The following IL18R1 variants were observed in gnomAD, a reference collection of about 807,000 sequenced individuals.
IL18R1 encodes the protein interleukin 18 receptor 1.
IL18R1 carries 40 observed loss-of-function variants against 48.5 expected under a neutral mutation model. The observed-to-expected ratio is 0.82, with a 90% CI of 0.64 to 1.07. The LOEUF (loss-of-function observed/expected upper bound fraction) is 1.07, where lower values mean the gene tolerates loss of function less well. IL18R1 is among the 50% of genes least tolerant of loss of function. The probability of loss-of-function intolerance (pLI) is 0.00; values close to 1 mark genes in which losing one functional copy is unlikely to be tolerated. For missense variants in IL18R1, 596 were observed against 633.7 expected (o/e 0.94, Z 0.64); for synonymous variants, 232 against 225.9 (o/e 1.03, Z -0.24).
At chr2:102,375,065 C>T (rs1021517035) in intron 4 of IL18R1, among the ~76,000 whole-genome samples, 15 of 152,302 alleles carry the variant, frequency 9.8e-5, no homozygotes, top group South Asian at 2.1e-4. Flanking sequence ...GGGTGCTTCA[C>T]GGGCACATTC....
intron 7 of IL18R1, among the ~76,000 whole-genome samples, chr2:102,385,631 T>C (rs1340154695): frequency 6.6e-6 from 1 of 152,252 alleles, no homozygotes; most frequent in Non-Finnish European, 1.5e-5. Context: ...TTCTGCTTTT[T>C]ACACATTTTT....
At chr2:102,395,149 A>T (rs1307986289) in intron 10 of IL18R1, among the ~76,000 whole-genome samples, 1 of 152,174 alleles carries the variant, frequency 6.6e-6, no homozygotes, top group Non-Finnish European at 1.5e-5. Context: ...GAAAGCGGTG[A>T]TCCCCATCAG....
At chr2:102,362,841 C>A in intron 2 of IL18R1, 123 bp downstream of exon 2, 1 of 573,596 alleles carries the variant, frequency 1.7e-6, no homozygotes, top group Admixed American at 2.9e-5. Flanking sequence ...AAAGATTCTG[C>A]AGTCTGAGTT....
At chr2:102,368,504 CT>C (rs1559620236) in intron 3 of IL18R1, among the ~76,000 whole-genome samples, 1 of 152,126 alleles carries the variant, frequency 6.6e-6, no homozygotes, top group African/African-American at 2.4e-5. Flanking sequence ...CAGAAACACC[CT>C]AGTCCAGTCT....
chr2:102,357,395 G>C (rs1401929262), intron 1 of IL18R1, among the ~76,000 whole-genome samples: 1 of 151,984 alleles, frequency 6.6e-6, no homozygotes, highest in African/African-American at 2.4e-5. Flanking sequence ...GGAGGCTGAG[G>C]CAGGAGAATC....
Position 102,390,199 on chromosome 2 carries a change from A to C in IL18R1, c.1093A>C (p.Arg365=), listed in dbSNP as rs753861064. Residue 365 remains arginine, a synonymous_variant, in exon 9 of 11, where the codon AGA becomes CGA. Coordinates refer to ENST00000233957, the MANE Select transcript of IL18R1 (RefSeq NM_003855.5). The stretch of plus-strand genomic sequence containing the variant: ...TCTATTTTATAGACATTTAACGAGA[A>C]GAGATGAAACATTAACAGGTAACAC... ...LVLFYRHLTR[R]DETLTDGKTY... is the part of the protein sequence containing the mutation. 1 of 1,614,026 alleles carries C rather than the reference A, an allele frequency of 6.2e-7. No homozygotes were observed. Among genetic ancestry groups the C allele is most frequent in the Non-Finnish European group, 8.5e-7 (1 of 1,179,900 alleles).
At chr2:102,388,287 G>T (rs903061090) in intron 8 of IL18R1, among the ~76,000 whole-genome samples, 4 of 152,218 alleles carry the variant, frequency 2.6e-5, no homozygotes, top group African/African-American at 9.7e-5. Context: ...CAGGATCTGG[G>T]TGAAGTTCCT....
At chr2:102,381,517 T>C (rs916332726) in intron 5 of IL18R1, 103 bp from the exon 6 acceptor site, 9 of 833,140 alleles carry the variant, frequency 1.1e-5, no homozygotes, top group Non-Finnish European at 1.0e-5. Flanking sequence ...CCAGTAACTA[T>C]TGGAATCTTT....
intron 3 of IL18R1, among the ~76,000 whole-genome samples, chr2:102,371,232 C>T (rs1247818196): frequency 1.3e-5 from 2 of 152,056 alleles, no homozygotes; most frequent in East Asian, 1.9e-4. Flanking sequence ...ACCACATTGG[C>T]CAGGCTGGTC....
At position 102,372,064 on chromosome 2, in the gene IL18R1, A is replaced by G; in HGVS notation, c.414A>G (p.Ile138Met). ...KIVEVKKFFQITCENSYYQTL... is the reference protein window; with the variant it reads ...KIVEVKKFFQMTCENSYYQTL... Reference sequence around the variant, plus strand: ...TGGAAGTTAAAAAATTTTTTCAGATAACCTGTGAAAACAGTTACTATCAAA... The same window carrying G: ...TGGAAGTTAAAAAATTTTTTCAGATGACCTGTGAAAACAGTTACTATCAAA... The change falls in exon 4 of 11, where the codon ATA becomes ATG. Residue 138 changes from isoleucine (I) to methionine (M), a missense_variant. Transcript: ENST00000233957. 2 of 1,608,578 alleles carry G rather than the reference A, an allele frequency of 1.2e-6. No individual in the cohort carries two copies. Among genetic ancestry groups the G allele is most frequent in the Non-Finnish European group, 1.7e-6 (2 of 1,178,164 alleles).
Position 102,387,532 on chromosome 2 carries a change from A to T in IL18R1, c.949+532A>T, listed in dbSNP as rs193287321. Among the ~76,000 whole-genome samples, 349 of 152,306 alleles carry T rather than the reference A, an allele frequency of 2.3e-3. 1 individual carries two copies. Among genetic ancestry groups the T allele is most frequent in the African/African-American group, 8.3e-3 (344 of 41,566 alleles). ...AAGTTTTTCAGTGCTCACCTGATGG[A>T]GGGCCCCAGGGTCGCCATCCCTTTC... On this transcript the variant is annotated intron_variant, in intron 8 of 10. Transcript: ENST00000233957.
intron 10 of IL18R1, 109 bp from the exon 11 acceptor site, chr2:102,396,422 A>G (rs2105138670): frequency 3.4e-6 from 2 of 590,520 alleles, no homozygotes; most frequent in Admixed American, 3.5e-5. Context: ...AGAAAAACTT[A>G]TTAGTGAGGT....
intron 2 of IL18R1, among the ~76,000 whole-genome samples, chr2:102,365,758 G>C (rs1021400361): frequency 6.6e-6 from 1 of 152,172 alleles, no homozygotes; most frequent in African/African-American, 2.4e-5. Flanking sequence ...CTAGGCGTAG[G>C]TTCCCAAACC....
At chr2:102,360,736 C>G (rs6543123) in intron 1 of IL18R1, among the ~76,000 whole-genome samples, 1 of 151,962 alleles carries the variant, frequency 6.6e-6, no homozygotes, top group Non-Finnish European at 1.5e-5. Flanking sequence ...TTAAGAGTTA[C>G]GGAAAAGCAA....
Position 102,378,483 on chromosome 2 carries a change from C to G in IL18R1, c.625+2420C>G, listed in dbSNP as rs1371244185. ...CACCTGCAGCACAAGCTATTCTTCT[C>G]CCATAATTGTCCATCTTATTTTTCT... On this transcript the variant is annotated intron_variant, in intron 5 of 10. Transcript: ENST00000233957. Among the ~76,000 whole-genome samples, 5 of 152,332 alleles carry G rather than the reference C, an allele frequency of 3.3e-5. 1 individual carries two copies. In the East Asian group the frequency reaches 9.7e-4, roughly 29 times the overall value.
At chr2:102,390,245 A>G (rs1286861745) in intron 9 of IL18R1, 28 bp downstream of exon 9, 1 of 1,595,052 alleles carries the variant, frequency 6.3e-7, no homozygotes, top group African/African-American at 1.3e-5. Context: ...GGAATTTCTT[A>G]CCTTATGTTC....
At chr2:102,385,022 C>T (rs569732144) in intron 7 of IL18R1, 24 bp downstream of exon 7, 5 of 1,257,282 alleles carry the variant, frequency 4.0e-6, no homozygotes, top group Non-Finnish European at 4.6e-6. Flanking sequence ...ATATATATGT[C>T]ATGATATATA....
intron 5 of IL18R1, among the ~76,000 whole-genome samples, chr2:102,377,541 C>A (rs1002482857): frequency 5.3e-5 from 8 of 152,238 alleles, no homozygotes; most frequent in African/African-American, 1.9e-4. Flanking sequence ...TGGTCTCGAT[C>A]TCCTGACCTC....
intron 8 of IL18R1, among the ~76,000 whole-genome samples, chr2:102,387,892 C>G (rs1206887119): frequency 6.6e-6 from 1 of 151,444 alleles, no homozygotes; most frequent in Non-Finnish European, 1.5e-5. Context: ...GAAAGAGAGA[C>G]AGAGACACAG....
Sources: allele counts gnomAD v4.1 joint callset (sites outside exome capture counted in the v4.1 genomes callset), GRCh38; gene constraint gnomAD v4.1.1; transcripts MANE v1.5; gene names NCBI Gene and HGNC (gene_info 2026-07-23, HGNC 2026-07-21).